The following TBC1D32 variants were observed in gnomAD, a reference collection of about 807,000 sequenced individuals.
TBC1D32 encodes protein broad-minded.
TBC1D32 carries 151 observed loss-of-function variants against 170.3 expected under a neutral mutation model. That is an observed-to-expected ratio of 0.89 (90% CI 0.78 to 1.01). The LOEUF (loss-of-function observed/expected upper bound fraction) is 1.01. Among genes scored for constraint, TBC1D32 ranks in the 50% least tolerant of loss-of-function variants. The pLI, the probability that TBC1D32 is intolerant of heterozygous loss-of-function variation, is 0.00. For synonymous variants in TBC1D32, 498 were observed against 488.0 expected, an observed-to-expected ratio of 1.02 and a Z score of -0.27; for missense variants, 1,464 against 1,457.1, an observed-to-expected ratio of 1.00 and a Z score of -0.08.
At chr6:121,303,984 T>G (rs1341099088) in intron 8 of TBC1D32, among the ~76,000 whole-genome samples, 1 of 152,048 alleles carries the variant, frequency 6.6e-6, no homozygotes, top group Non-Finnish European at 1.5e-5. Flanking sequence ...TCACAGATTA[T>G]CTTACAACTT....
At chr6:121,187,219 A>C (rs918230579) in intron 22 of TBC1D32, among the ~76,000 whole-genome samples, 2 of 151,994 alleles carry the variant, frequency 1.3e-5, no homozygotes, top group Non-Finnish European at 2.9e-5. Flanking sequence ...CTGATTCATT[A>C]TTTTTCAGAA....
chr6:121,170,552 T>C (rs766979628), intron 22 of TBC1D32: 29 of 1,472,756 alleles, frequency 2.0e-5, no homozygotes, highest in Non-Finnish European at 2.5e-5. Flanking sequence ...AAAATAAACG[T>C]AGATTGTGTA....
chr6:121,126,168 A>G (rs1780824989), intron 26 of TBC1D32, among the ~76,000 whole-genome samples: 1 of 152,186 alleles, frequency 6.6e-6, no homozygotes, highest in Admixed American at 6.5e-5. Flanking sequence ...AGAGAGAGAA[A>G]AAGAAAGCTC....
At chr6:121,280,817 A>G (rs1245876379) in intron 14 of TBC1D32, among the ~76,000 whole-genome samples, 1 of 151,952 alleles carries the variant, frequency 6.6e-6, no homozygotes, top group Non-Finnish European at 1.5e-5. Context: ...ATGGGTGAAC[A>G]TAAGAGGAAG....
At chr6:121,255,530 T>TAATTATTTTTTA (rs1280529108) in intron 16 of TBC1D32, 120 bp from the exon 17 acceptor site, 1 of 241,908 alleles carries the variant, frequency 4.1e-6, no homozygotes, top group Non-Finnish European at 7.4e-6. Flanking sequence ...TTTATATTTC[T>TAATTATTTTTTA]TACTGATAGC....
rs75353234 is a variant in TBC1D32 at position 121,202,195 on chromosome 6, G to A, written c.2570+2880C>T. 1.0e-4 allele frequency among the ~76,000 whole-genome samples: 15 copies of A among 149,136 alleles called. No homozygotes were observed. In the South Asian group the frequency reaches 2.9e-3, roughly 29 times the overall value. On this transcript the variant is annotated intron_variant, in intron 22 of 31. Coordinates refer to ENST00000398212, the MANE Select transcript of TBC1D32 (RefSeq NM_152730.6). ...GTTTAAGTGTAATAAATTAAGAGTA[G>A]AGTGCACAGAAACCTAGGATCCTTG...
chr6:121,196,813 A>G (rs1790799178), intron 22 of TBC1D32, among the ~76,000 whole-genome samples: 1 of 152,178 alleles, frequency 6.6e-6, no homozygotes, highest in Non-Finnish European at 1.5e-5. Flanking sequence ...GCTCTGAATC[A>G]GCATCCAATA....
intron 10 of TBC1D32, among the ~76,000 whole-genome samples, chr6:121,298,220 T>G (rs1453343102): frequency 1.3e-5 from 2 of 152,074 alleles, no homozygotes; most frequent in African/African-American, 4.8e-5. Context: ...AGGTTTAAGT[T>G]GAAATGTCAA....
At chr6:121,116,174 T>G (rs1779659348) in intron 26 of TBC1D32, among the ~76,000 whole-genome samples, 1 of 152,020 alleles carries the variant, frequency 6.6e-6, no homozygotes, top group Admixed American at 6.6e-5. Context: ...CATGAAGTTT[T>G]TTTTTTTTTT....
intron 22 of TBC1D32, among the ~76,000 whole-genome samples, chr6:121,196,228 C>G (rs528805534): frequency 2.0e-5 from 3 of 152,182 alleles, no homozygotes; most frequent in African/African-American, 7.2e-5. Flanking sequence ...AAAGTGGCCA[C>G]TGTGGCAGGG....
intron 12 of TBC1D32, among the ~76,000 whole-genome samples, chr6:121,286,737 A>C (rs1803908324): frequency 6.6e-6 from 1 of 152,224 alleles, no homozygotes; most frequent in Non-Finnish European, 1.5e-5. Flanking sequence ...AAAAAATGTA[A>C]AGGGCAGCCA....
intron 24 of TBC1D32, among the ~76,000 whole-genome samples, chr6:121,151,129 T>C (rs983314095): frequency 3.3e-5 from 5 of 152,182 alleles, no homozygotes; most frequent in Non-Finnish European, 7.4e-5. Flanking sequence ...CCACTTTCTC[T>C]TGTGGGCATT....
chr6:121,134,160 A>G (rs970909251), intron 24 of TBC1D32, among the ~76,000 whole-genome samples: 1 of 152,132 alleles, frequency 6.6e-6, no homozygotes, highest in Non-Finnish European at 1.5e-5. Flanking sequence ...ACATGATTGC[A>G]AAGATAATGC....
At chr6:121,095,868 T>G (rs971500583) in intron 30 of TBC1D32, 5 of 152,212 alleles carry the variant, frequency 3.3e-5, no homozygotes, top group African/African-American at 1.2e-4. Context: ...TCGATATTCA[T>G]CAGGCATATT....
chr6:121,213,360 T>C (rs1793330871), intron 21 of TBC1D32, among the ~76,000 whole-genome samples: 1 of 151,754 alleles, frequency 6.6e-6, no homozygotes, highest in Admixed American at 6.6e-5. Context: ...AGATTCAGGA[T>C]ACAAAATCAA....
intron 15 of TBC1D32, among the ~76,000 whole-genome samples, chr6:121,269,750 C>A (rs1029942602): frequency 6.6e-6 from 1 of 152,102 alleles, no homozygotes; most frequent in African/African-American, 2.4e-5. Flanking sequence ...CTCAGCTCTG[C>A]ACCAAGTAGA....
chr6:121,280,808 T>C (rs958476370), intron 14 of TBC1D32, among the ~76,000 whole-genome samples: 1 of 151,746 alleles, frequency 6.6e-6, no homozygotes, highest in African/African-American at 2.4e-5. Flanking sequence ...AGCCCATTGA[T>C]GGGTGAACAT....
At chr6:121,134,329 C>T (rs1781780931) in intron 24 of TBC1D32, among the ~76,000 whole-genome samples, 1 of 152,016 alleles carries the variant, frequency 6.6e-6, no homozygotes, top group Non-Finnish European at 1.5e-5. Flanking sequence ...TTTCTTTTTA[C>T]TCCTCCCTCC....
At chr6:121,278,344 A>C (rs1802521247) in intron 15 of TBC1D32, among the ~76,000 whole-genome samples, 1 of 152,126 alleles carries the variant, frequency 6.6e-6, no homozygotes, top group African/African-American at 2.4e-5. Flanking sequence ...AAAATCCTCA[A>C]TAAATATTAG....
Sources: allele counts gnomAD v4.1 joint callset (sites outside exome capture counted in the v4.1 genomes callset), GRCh38; gene constraint gnomAD v4.1.1; transcripts MANE v1.5; gene names NCBI Gene and HGNC (gene_info 2026-07-23, HGNC 2026-07-21).